Variants in FAM169A observed in about 807,000 individuals in gnomAD.
FAM169A encodes the protein family with sequence similarity 169 member A.
Under a neutral mutation model 75.7 loss-of-function variants are expected in FAM169A, and 24 were observed. That is an observed-to-expected ratio of 0.32 (90% CI 0.23 to 0.45). The LOEUF is 0.45. Among genes scored for constraint, FAM169A ranks in the 20% least tolerant of loss-of-function variants. FAM169A has a pLI of 1.00. For synonymous variants in FAM169A, 271 were observed against 271.0 expected, an observed-to-expected ratio of 1.00 and a Z score of 0.00; for missense variants, 673 against 784.0, an observed-to-expected ratio of 0.86 and a Z score of 1.69.
At chr5:74,821,271 C>A (rs934226260) in intron 5 of FAM169A, among the ~76,000 whole-genome samples, 2 of 152,172 alleles carry the variant, frequency 1.3e-5, no homozygotes, top group African/African-American at 2.4e-5. Flanking sequence ...TATCTATATG[C>A]ACTTAAGATC....
chr5:74,806,829 A>G (rs1746909370), intron 6 of FAM169A, among the ~76,000 whole-genome samples: 1 of 152,210 alleles, frequency 6.6e-6, no homozygotes, highest in Non-Finnish European at 1.5e-5. Context: ...AAGTTATCCC[A>G]AAGAAAAACT....
intron 4 of FAM169A, among the ~76,000 whole-genome samples, chr5:74,835,836 C>T (rs990715480): frequency 6.6e-6 from 1 of 152,136 alleles, no homozygotes; most frequent in African/African-American, 2.4e-5. Context: ...ACAGTTCTGA[C>T]CAACAACAAT....
Position 74,834,452 on chromosome 5 carries a change from A to G in FAM169A, c.464T>C (p.Ile155Thr). 6.4e-7 allele frequency: 1 copy of G among 1,556,686 alleles called. No homozygotes were observed. Among genetic ancestry groups the G allele is most frequent in the Non-Finnish European group, 8.7e-7 (1 of 1,150,076 alleles). Residue 155 changes from isoleucine (I) to threonine (T), a missense_variant, in exon 5 of 13, where the codon ATT becomes ACT. Ile to Thr is a moderately conservative substitution (Grantham distance 89). Coordinates refer to ENST00000687041, the MANE Select transcript of FAM169A (RefSeq NM_001376049.1). ...AKILWKKGEA[I>T]GFYSVKPTGS... ...TGTAGGCTTAACTGAATAAAACCCA[A>G]TGGCCTCTCCTTTCTTCCACAGAAT...
chr5:74,818,211 T>A (rs1580121590), intron 5 of FAM169A, among the ~76,000 whole-genome samples: 1 of 151,986 alleles, frequency 6.6e-6, no homozygotes, highest in East Asian at 1.9e-4. Context: ...ATCGAGAAAG[T>A]AAGACAACTC....
chr5:74,781,567 T>C lies in FAM169A; in HGVS notation c.1906A>G (p.Ser636Gly). The C allele has an allele frequency of 6.2e-7, 1 of 1,614,208 alleles. No individual in the cohort carries two copies. The highest frequency in any genetic ancestry group is 8.5e-7 in the Non-Finnish European group (1 of 1,180,028). ...ACTTCCACTTCTATTTCCTCTGAGC[T>C]GCTATCCACAGCTTTTTCTGCCGAT... Reference protein sequence around the residue: ...TQSAEKAVDSSSEEIEVEVPV... With the variant: ...TQSAEKAVDSGSEEIEVEVPV... The change falls in exon 13 of 13, where the codon AGC becomes GGC. Residue 636 changes from serine (S) to glycine (G), a missense_variant. Physicochemically the swap from Ser to Gly is moderately conservative, Grantham distance 56. Coordinates refer to ENST00000687041, the MANE Select transcript of FAM169A (RefSeq NM_001376049.1).
intron 5 of FAM169A, among the ~76,000 whole-genome samples, chr5:74,826,101 A>G (rs1748009343): frequency 6.6e-6 from 1 of 151,502 alleles, no homozygotes; most frequent in East Asian, 1.9e-4. Flanking sequence ...TTGTTTCTGC[A>G]CTCCTTTCTG....
At position 74,794,414 on chromosome 5, in the gene FAM169A, C is replaced by T. The variant is rs116185139; in HGVS notation, c.1260+1616G>A. Reference sequence around the variant, plus strand: ...GTCTCAAAAAAAAAAAGAAATATTACGAAAATAAACATAAAAATATCATTT... The same window carrying T: ...GTCTCAAAAAAAAAAAGAAATATTATGAAAATAAACATAAAAATATCATTT... On this transcript the variant is annotated intron_variant, in intron 11 of 12. Transcript: ENST00000687041. Among the ~76,000 whole-genome samples, 513 of 146,210 alleles carry T rather than the reference C, an allele frequency of 3.5e-3. 7 individuals carry two copies. The highest frequency in any genetic ancestry group is 0.012 in the African/African-American group (482 of 39,508).
chr5:74,850,288 C>T (rs1307294609), intron 1 of FAM169A, among the ~76,000 whole-genome samples: 1 of 152,178 alleles, frequency 6.6e-6, no homozygotes, highest in Non-Finnish European at 1.5e-5. Context: ...TTTTCCATCA[C>T]ATTGGTATGT....
intron 1 of FAM169A, among the ~76,000 whole-genome samples, chr5:74,854,108 T>C (rs977600454): frequency 6.6e-6 from 1 of 151,982 alleles, no homozygotes; most frequent in Non-Finnish European, 1.5e-5. Flanking sequence ...AATAATCATA[T>C]ATAGGTCAGG....
intron 5 of FAM169A, among the ~76,000 whole-genome samples, chr5:74,817,600 T>G (rs567705978): frequency 6.4e-4 from 98 of 152,278 alleles, no homozygotes; most frequent in African/African-American, 2.2e-3. Context: ...GATGTCCATA[T>G]TTCCCAATAC....
In FAM169A at chr5:74,782,924, C is replaced by T. The variant is rs1438044466; in HGVS notation, c.1464+7G>A. On this transcript the variant is annotated splice_region_variant and intron_variant, in intron 12 of 12. Coordinates refer to ENST00000687041, the MANE Select transcript of FAM169A (RefSeq NM_001376049.1). ...CTTTATTAAAAAATAGCTCATTGCC[C>T]CCTTACCTTATCTGGTGCATCTACC... 1 of 1,605,390 alleles carries T rather than the reference C, an allele frequency of 6.2e-7. No individual in the cohort carries two copies. Among genetic ancestry groups the T allele is most frequent in the Non-Finnish European group, 8.5e-7 (1 of 1,173,496 alleles).
In FAM169A at chr5:74,795,916, A is replaced by C. The variant is rs374138548; in HGVS notation, c.1260+114T>G. 149 of 1,100,814 alleles carry C rather than the reference A, an allele frequency of 1.4e-4. No individual in the cohort carries two copies. The East Asian group carries it at 2.8e-3, about 21-fold the overall frequency. The allele number at this position is 1,100,814 out of a possible 1,614,324, so 68.2% of individuals were successfully genotyped here. On this transcript the variant is annotated intron_variant, in intron 11 of 12. Coordinates refer to ENST00000687041, the MANE Select transcript of FAM169A (RefSeq NM_001376049.1). Reference sequence around the variant, plus strand: ...TTAATATATATGATTTTTAACACTAAACGCAATTTCTAACACTCTAAAATA... The same window carrying C: ...TTAATATATATGATTTTTAACACTACACGCAATTTCTAACACTCTAAAATA...
intron 1 of FAM169A, among the ~76,000 whole-genome samples, chr5:74,855,804 A>G (rs1266981281): frequency 6.6e-6 from 1 of 152,014 alleles, no homozygotes; most frequent in Non-Finnish European, 1.5e-5. Flanking sequence ...CCACTTATCC[A>G]TTTCTGCTTT....
intron 5 of FAM169A, among the ~76,000 whole-genome samples, chr5:74,830,977 A>C (rs1413922543): frequency 1.3e-5 from 2 of 152,142 alleles, no homozygotes; most frequent in Non-Finnish European, 2.9e-5. Context: ...TTCTCTTCTC[A>C]AGACTCCAAG....
chr5:74,821,468 G>C (rs1237137093), intron 5 of FAM169A, among the ~76,000 whole-genome samples: 1 of 152,168 alleles, frequency 6.6e-6, no homozygotes, highest in Non-Finnish European at 1.5e-5. Flanking sequence ...ATCAGTGTGT[G>C]ACTGTCTCCA....
At chr5:74,850,309 AG>A (rs1749376803) in intron 1 of FAM169A, among the ~76,000 whole-genome samples, 2 of 152,248 alleles carry the variant, frequency 1.3e-5, no homozygotes, top group Non-Finnish European at 2.9e-5. Flanking sequence ...CTGAAAGCAC[AG>A]CATCTCAGGC....
intron 5 of FAM169A, among the ~76,000 whole-genome samples, chr5:74,828,028 A>G (rs951495769): frequency 6.6e-6 from 1 of 152,158 alleles, no homozygotes; most frequent in African/African-American, 2.4e-5. Flanking sequence ...AGAATGAGAC[A>G]AAGTTCAGCA....
At chr5:74,785,686 C>G (rs1186776516) in intron 11 of FAM169A, among the ~76,000 whole-genome samples, 1 of 152,166 alleles carries the variant, frequency 6.6e-6, no homozygotes, top group Non-Finnish European at 1.5e-5. Flanking sequence ...CGCTTAAACT[C>G]AGGAGGTGGA....
In FAM169A at chr5:74,863,023, T is replaced by G. The variant is rs1451499870; in HGVS notation, c.-4+3142A>C. ...GCTAGTAACCAAAACTGTATTCATT[T>G]AAAAAAAAAAAAAAAAGGCAGGGGT... On this transcript the variant is annotated intron_variant, in intron 1 of 12. Transcript: ENST00000687041. Among the ~76,000 whole-genome samples the G allele has an allele frequency of 3.2e-5, 4 of 126,606 alleles. No individual in the cohort carries two copies. In the South Asian group the frequency reaches 1.0e-3, roughly 33 times the overall value. 83.1% of individuals were successfully genotyped at this position (126,606 alleles called of 152,430 possible). A position where few individuals can be genotyped will look rare whatever the true frequency, so the allele number is the denominator to read the frequency against.
Sources: gnomAD v4.1 joint callset for allele counts (sites outside exome capture counted in the v4.1 genomes callset) on GRCh38, gnomAD v4.1.1 for gene constraint, MANE v1.5 for transcripts, NCBI Gene and HGNC (gene_info 2026-07-23, HGNC 2026-07-21) for gene names.